MBNL2: variants seen among roughly 807,000 people sequenced by gnomAD.
MBNL2 encodes the protein muscleblind like splicing regulator 2, also known as muscleblind-like protein 2.
A neutral mutation model predicts 41.9 loss-of-function variants in MBNL2; 17 were observed. The observed-to-expected ratio is 0.41, with a 90% CI of 0.28 to 0.61. The LOEUF is 0.61. Ranked by LOEUF, MBNL2 falls within the 20% of genes least tolerant of loss-of-function variation. The pLI is 0.35. For missense variants in MBNL2, 336 were observed against 505.6 expected (o/e 0.66, Z 3.22); for synonymous variants, 195 against 182.9 (o/e 1.07, Z -0.53).
the MBNL2 span, among the ~76,000 whole-genome samples, chr13:97,171,023 G>A: frequency 9.2e-5 from 14 of 152,308 alleles, no homozygotes; most frequent in East Asian, 2.7e-3. Flanking sequence ...TGCAAAGGCA[G>A]TTTTATACTG....
chr13:97,378,439 G>A (rs1717990242), intron 8 of MBNL2, among the ~76,000 whole-genome samples: 1 of 152,216 alleles, frequency 6.6e-6, no homozygotes, highest in Non-Finnish European at 1.5e-5. Flanking sequence ...TTCATGGGAT[G>A]TCAACTTCCT....
chr13:97,340,896 T>C (rs2061394008), intron 3 of MBNL2, among the ~76,000 whole-genome samples: 1 of 152,162 alleles, frequency 6.6e-6, no homozygotes, highest in Admixed American at 6.5e-5. Context: ...CAAAATGGTT[T>C]TGGGAAATGA....
At chr13:97,151,958 T>C in the MBNL2 span, among the ~76,000 whole-genome samples, 1 of 152,114 alleles carries the variant, frequency 6.6e-6, no homozygotes, top group Non-Finnish European at 1.5e-5. Context: ...CAACAGCACT[T>C]TATCAGCCCA....
At chr13:97,199,410 C>A in the MBNL2 span, among the ~76,000 whole-genome samples, 1 of 152,120 alleles carries the variant, frequency 6.6e-6, no homozygotes, top group African/African-American at 2.4e-5. Context: ...ATGAAAGCTC[C>A]ATGAGGGCAA....
upstream of MBNL2, among the ~76,000 whole-genome samples, chr13:97,219,466 A>G (rs544293124): frequency 2.1e-3 from 315 of 152,314 alleles, 2 homozygotes; most frequent in African/African-American, 7.4e-3. Context: ...TTGTTTTCTC[A>G]TAGTTCTGGA....
intron 1 of MBNL2, among the ~76,000 whole-genome samples, chr13:97,272,641 C>T (rs1324440107): frequency 6.6e-6 from 1 of 152,078 alleles, no homozygotes; most frequent in South Asian, 2.1e-4. Flanking sequence ...GGCAGGCCAT[C>T]CCTGCTTTTA....
intron 2 of MBNL2, among the ~76,000 whole-genome samples, chr13:97,321,981 C>G (rs754814295): frequency 3.0e-4 from 45 of 152,164 alleles, no homozygotes; most frequent in Admixed American, 3.9e-4. Flanking sequence ...CTCTAAGAAG[C>G]ACTTAGAAAC....
intron 1 of MBNL2, among the ~76,000 whole-genome samples, chr13:97,266,670 G>T (rs1011157470): frequency 6.6e-6 from 1 of 152,168 alleles, no homozygotes; most frequent in African/African-American, 2.4e-5. Flanking sequence ...GAAATAGAGT[G>T]GGGACGCTCC....
At chr13:97,155,629 G>A in the MBNL2 span, among the ~76,000 whole-genome samples, 46 of 148,910 alleles carry the variant, frequency 3.1e-4, no homozygotes, top group African/African-American at 1.1e-3. Flanking sequence ...TCCCACCTAT[G>A]AGTGAGAATA....
At chr13:97,294,448 C>G (rs770767974) in intron 2 of MBNL2, among the ~76,000 whole-genome samples, 4 of 152,178 alleles carry the variant, frequency 2.6e-5, no homozygotes, top group Non-Finnish European at 5.9e-5. Flanking sequence ...GTGTTAGCTG[C>G]AAGAACAACC....
intron 2 of MBNL2, among the ~76,000 whole-genome samples, chr13:97,329,210 A>G (rs2060164320): frequency 6.6e-6 from 1 of 152,182 alleles, no homozygotes; most frequent in African/African-American, 2.4e-5. Flanking sequence ...CCTAATCTAA[A>G]TATTCCTGGA....
intron 2 of MBNL2, among the ~76,000 whole-genome samples, chr13:97,290,357 G>C (rs1237312650): frequency 1.3e-5 from 2 of 152,074 alleles, no homozygotes; most frequent in Non-Finnish European, 2.9e-5. Flanking sequence ...ATTCTAGTGG[G>C]AAGTGACAAA....
rs145055491 is a variant in MBNL2, at chr13:97,228,974, C to T, written c.-605+6443C>T. Among the ~76,000 whole-genome samples the T allele has an allele frequency of 6.5e-4, 99 of 151,608 alleles. No homozygotes were observed. In the East Asian group the frequency reaches 0.015, roughly 22 times the overall value. ...GTCCTCAAACCTCTGGGAATCCACA[C>T]GTGATATTTAATGAGATAAATGAAA... is the stretch of plus-strand genomic sequence containing the variant. On this transcript the variant is annotated intron_variant, in intron 1 of 8. Coordinates refer to ENST00000679496, the MANE Select transcript of MBNL2 (RefSeq NM_001382683.1).
chr13:97,287,438 G>A (rs763259424), intron 2 of MBNL2, among the ~76,000 whole-genome samples: 4 of 152,060 alleles, frequency 2.6e-5, no homozygotes, highest in East Asian at 1.9e-4. Flanking sequence ...GTGATGTTTC[G>A]ATGCATATAA....
At chr13:97,171,667 C>T in the MBNL2 span, among the ~76,000 whole-genome samples, 1 of 152,106 alleles carries the variant, frequency 6.6e-6, no homozygotes, top group Non-Finnish European at 1.5e-5. Flanking sequence ...ACCTAGATTC[C>T]TGCAGTCAGC....
chr13:97,225,465 A>G (rs2041459801), intron 1 of MBNL2, among the ~76,000 whole-genome samples: 1 of 152,208 alleles, frequency 6.6e-6, no homozygotes. Flanking sequence ...AAAGGTGGAT[A>G]ACTACAAGAC....
chr13:97,330,315 G>A (rs1285004680), intron 2 of MBNL2, among the ~76,000 whole-genome samples: 1 of 152,208 alleles, frequency 6.6e-6, no homozygotes, highest in East Asian at 1.9e-4. Flanking sequence ...CCTAGCTGAG[G>A]CTCCTAGCTC....
chr13:97,350,594 TG>T (rs1308985665), intron 5 of MBNL2, among the ~76,000 whole-genome samples: 1 of 152,210 alleles, frequency 6.6e-6, no homozygotes, highest in African/African-American at 2.4e-5. Flanking sequence ...CTAAATCCTT[TG>T]GTATCATTTC....
At chr13:97,215,983 A>G in the MBNL2 span, among the ~76,000 whole-genome samples, 1 of 152,174 alleles carries the variant, frequency 6.6e-6, no homozygotes, top group African/African-American at 2.4e-5. Flanking sequence ...ATGCTAAGGG[A>G]GTCTCACACA....
Sources: gnomAD v4.1 joint callset for allele counts (sites outside exome capture counted in the v4.1 genomes callset) on GRCh38, gnomAD v4.1.1 for gene constraint, MANE v1.5 for transcripts, NCBI Gene and HGNC (gene_info 2026-07-23, HGNC 2026-07-21) for gene names.